CEP128: variants seen among roughly 807,000 people sequenced by gnomAD.
The protein encoded by CEP128 is centrosomal protein 128kDa.
Under a neutral mutation model 156.7 loss-of-function variants are expected in CEP128, and 132 were observed. That is an observed-to-expected ratio of 0.84 (90% CI 0.73 to 0.97). The LOEUF is 0.97. Among genes scored for constraint, CEP128 ranks in the 50% least tolerant of loss-of-function variants. CEP128 has a pLI of 0.00. For missense variants in CEP128, 1,252 were observed against 1,281.9 expected, an observed-to-expected ratio of 0.98 and a Z score of 0.36; for synonymous variants, 469 against 448.9, an observed-to-expected ratio of 1.04 and a Z score of -0.57.
At position 80,749,213 on chromosome 14, in the gene CEP128, A is replaced by G. The variant is rs999268081; in HGVS notation, c.2614-5946T>C. Among the ~76,000 whole-genome samples the G allele has an allele frequency of 2.6e-5, 4 of 152,184 alleles. No homozygotes were observed. In the East Asian group the frequency reaches 7.7e-4, roughly 29 times the overall value. On this transcript the variant is annotated intron_variant, in intron 18 of 24. Transcript: ENST00000555265. ...CTGCCTGGTAACCCAAGCACTTCGG[A>G]GAACATATGGAGGTTTCTCAAAAAA...
In CEP128 at chr14:80,759,952, C is replaced by T. The variant is rs371281383; in HGVS notation, c.2553+1485G>A. ...TGTGTGTATACATATATATATCTTA[C>T]AACATGATCCAAATGTTTCCATTTT... On this transcript the variant is annotated intron_variant, in intron 17 of 24. Transcript: ENST00000555265. 4.6e-5 allele frequency among the ~76,000 whole-genome samples: 7 copies of T among 151,330 alleles called. No individual in the cohort carries two copies. In the East Asian group the frequency reaches 1.2e-3, roughly 25 times the overall value.
chr14:80,895,810 A>AAAAT lies in CEP128; in HGVS notation c.573-21_573-20insATTT. 6.7e-7 allele frequency: 1 copy of AAAAT among 1,484,396 alleles called. No homozygotes were observed. The highest frequency in any genetic ancestry group is 8.9e-7 in the Non-Finnish European group (1 of 1,117,326). The allele number at this position is 1,484,396 out of a possible 1,614,324, so 92.0% of individuals were successfully genotyped here. A position where few individuals can be genotyped will look rare whatever the true frequency, so the allele number is the denominator to read the frequency against. ...TCTGACCTAGGAAGAAAAAAAAAAA[A>AAAAT]AAGATTTAAATTTGGATATTTAGAA... is the stretch of plus-strand genomic sequence containing the variant. On this transcript the variant is annotated intron_variant, in intron 7 of 24. Coordinates refer to ENST00000555265, the MANE Select transcript of CEP128 (RefSeq NM_152446.5).
downstream of CEP128, among the ~76,000 whole-genome samples, chr14:80,486,583 T>C (rs999041373): frequency 6.6e-5 from 10 of 151,904 alleles, no homozygotes; most frequent in African/African-American, 2.4e-4. Context: ...TCACCAAAGT[T>C]GAAATGAAGG....
intron 2 of CEP128, among the ~76,000 whole-genome samples, chr14:80,921,037 A>C (rs187800060): frequency 6.6e-6 from 1 of 152,372 alleles, no homozygotes; most frequent in Non-Finnish European, 1.5e-5. Context: ...GAATGGTTAA[A>C]CTATGGTACA....
chr14:80,910,392 A>G (rs1209179746), intron 4 of CEP128, among the ~76,000 whole-genome samples: 3 of 152,198 alleles, frequency 2.0e-5, no homozygotes, highest in Admixed American at 6.5e-5. Flanking sequence ...CAGAGTTCTT[A>G]TGAATGGTCT....
intron 21 of CEP128, among the ~76,000 whole-genome samples, chr14:80,533,235 T>C (rs1889312300): frequency 6.6e-6 from 1 of 152,178 alleles, no homozygotes; most frequent in Non-Finnish European, 1.5e-5. Flanking sequence ...TACAAAGCAA[T>C]GCCCTGATGA....
intron 19 of CEP128, among the ~76,000 whole-genome samples, chr14:80,731,561 T>G (rs1221699816): frequency 1.3e-5 from 2 of 152,170 alleles, no homozygotes; most frequent in African/African-American, 4.8e-5. Flanking sequence ...AAATGTGATG[T>G]AACTAAAAAA....
At chr14:80,806,145 C>T (rs764776474) in intron 13 of CEP128, among the ~76,000 whole-genome samples, 15 of 152,224 alleles carry the variant, frequency 9.9e-5, no homozygotes, top group Admixed American at 3.9e-4. Context: ...AGCAGAAACA[C>T]ACAAACAATA....
chr14:80,880,319 G>A (rs2139309771), intron 8 of CEP128, among the ~76,000 whole-genome samples: 1 of 151,922 alleles, frequency 6.6e-6, no homozygotes, highest in Non-Finnish European at 1.5e-5. Context: ...AGGCATATAA[G>A]GAAAGTTCCT....
At chr14:80,477,739 T>G (rs936811456) in exon 15 of CEP128, 6 of 152,218 alleles carry the variant, frequency 3.9e-5, no homozygotes, top group Non-Finnish European at 5.9e-5. Context: ...AGTCTGTTTT[T>G]CTGTCTGTTA....
In CEP128 at chr14:80,840,365, T is replaced by C. The variant is rs541855660; in HGVS notation, c.849+317A>G. ...AAATGAATATAACCAAAATATTCAGTCTCCAAATGACAGGTCTTTTCTAAC... is the reference window on the plus strand; with the variant it reads ...AAATGAATATAACCAAAATATTCAGCCTCCAAATGACAGGTCTTTTCTAAC... On this transcript the variant is annotated intron_variant, in intron 10 of 24. Transcript: ENST00000555265. Among the ~76,000 whole-genome samples the C allele has an allele frequency of 3.3e-5, 5 of 152,276 alleles. No homozygotes were observed. The East Asian group carries it at 9.6e-4, about 29-fold the overall frequency.
chr14:80,695,986 G>A (rs1896880875), intron 19 of CEP128, among the ~76,000 whole-genome samples: 1 of 152,084 alleles, frequency 6.6e-6, no homozygotes, highest in Non-Finnish European at 1.5e-5. Flanking sequence ...AGAACAGACT[G>A]GGTGACAGTA....
chr14:80,887,304 C>T (rs1405326172), intron 8 of CEP128, among the ~76,000 whole-genome samples: 1 of 152,212 alleles, frequency 6.6e-6, no homozygotes, highest in Non-Finnish European at 1.5e-5. Context: ...GAACTCTCCA[C>T]CCTAAATCAA....
chr14:80,880,908 A>ATTATT (rs1555359341), intron 8 of CEP128, among the ~76,000 whole-genome samples: 47 of 133,648 alleles, frequency 3.5e-4, no homozygotes, highest in East Asian at 1.9e-3. Flanking sequence ...TAATAATAAT[A>ATTATT]ATTTCAGTAA....
rs771288671 is a variant in CEP128, at chr14:80,836,345, A to G, written c.925-8T>C. ...TGTACGCAGTTCTTCTACCTAACAC[A>G]TGGTCAAAAATCAAACATCGGTTTT... On this transcript the variant is annotated splice_polypyrimidine_tract_variant and splice_region_variant and intron_variant, in intron 11 of 24. Transcript: ENST00000555265. The G allele has an allele frequency of 9.9e-6, 16 of 1,613,398 alleles. No homozygotes were observed. The highest frequency in any genetic ancestry group is 4.4e-5 in the South Asian group (4 of 90,892).
chr14:80,593,256 C>A (rs1566799266), intron 19 of CEP128, among the ~76,000 whole-genome samples: 1 of 151,830 alleles, frequency 6.6e-6, no homozygotes, highest in South Asian at 2.1e-4. Context: ...TAAAAAAAAC[C>A]CTGTTGTCGG....
chr14:80,593,434 G>A (rs938546815), intron 19 of CEP128, among the ~76,000 whole-genome samples: 7 of 151,618 alleles, frequency 4.6e-5, no homozygotes, highest in Admixed American at 6.6e-5. Context: ...CCAGCTACTC[G>A]GGTGACTGAG....
At chr14:80,670,587 C>T (rs1467452320) in intron 19 of CEP128, among the ~76,000 whole-genome samples, 1 of 152,080 alleles carries the variant, frequency 6.6e-6, no homozygotes, top group Non-Finnish European at 1.5e-5. Flanking sequence ...AATGTGTACA[C>T]ATGGACATAG....
chr14:80,510,138 T>G (rs1483601358), intron 23 of CEP128, among the ~76,000 whole-genome samples: 1 of 152,152 alleles, frequency 6.6e-6, no homozygotes, highest in Admixed American at 6.5e-5. Flanking sequence ...TTTTGGATAG[T>G]TTTTTCTATT....
Sources: gnomAD v4.1 joint callset for allele counts (sites outside exome capture counted in the v4.1 genomes callset) on GRCh38, gnomAD v4.1.1 for gene constraint, MANE v1.5 for transcripts, NCBI Gene and HGNC (gene_info 2026-07-23, HGNC 2026-07-21) for gene names.